Variants in FMNL2 observed in about 807,000 individuals in gnomAD.
FMNL2 encodes the protein formin-like protein 2.
Under a neutral mutation model 130.2 loss-of-function variants are expected in FMNL2, and 51 were observed. The observed-to-expected ratio is 0.39, with a 90% confidence interval of 0.31 to 0.49. The LOEUF (loss-of-function observed/expected upper bound fraction) is 0.49. Among genes scored for constraint, FMNL2 ranks in the 20% least tolerant of loss-of-function variants. The pLI is 0.85. For missense variants in FMNL2, 977 were observed against 1,316.2 expected, an observed-to-expected ratio of 0.74 and a Z score of 3.99; for synonymous variants, 465 against 467.1, an observed-to-expected ratio of 1.00 and a Z score of 0.06.
At chr2:152,365,688 G>A (rs188620590) in intron 1 of FMNL2, among the ~76,000 whole-genome samples, 339 of 152,130 alleles carry the variant, frequency 2.2e-3, no homozygotes, top group African/African-American at 7.9e-3. Context: ...CAGGAGAATC[G>A]CTTGAACCCG....
rs569761870 is a variant in FMNL2, at chr2:152,537,138, C to T, written c.202-5601C>T. On this transcript the variant is annotated intron_variant, in intron 2 of 25. Transcript: ENST00000288670. ...GTTAGAAAGAACTTAAGTCTGCCTG[C>T]CTGTGTCTAGTAGAAAAGGCTATGT... Among the ~76,000 whole-genome samples, 4 of 152,296 alleles carry T rather than the reference C, an allele frequency of 2.6e-5. No individual in the cohort carries two copies. In the South Asian group the frequency reaches 8.3e-4, roughly 32 times the overall value.
chr2:152,611,598 A>T lies in FMNL2; in HGVS notation c.1055A>T (p.Tyr352Phe), dbSNP rs34119671. 6.3e-7 allele frequency: 1 copy of T among 1,586,154 alleles called. No individual in the cohort carries two copies. Among genetic ancestry groups the T allele is most frequent in the Non-Finnish European group, 8.6e-7 (1 of 1,159,858 alleles). ...YEFTKLGLDEYLDKLKHTESD... is the reference protein window; with the variant it reads ...YEFTKLGLDEFLDKLKHTESD... ...TTTACCAAATTAGGCCTGGACGAAT[A>T]CTTGGACGTGAGTATAGCTGTGACC... The change falls in exon 11 of 26, where the codon TAC becomes TTC. Residue 352 changes from tyrosine (Y) to phenylalanine (F), a missense_variant. Tyr to Phe is a conservative substitution (Grantham distance 22, BLOSUM62 3). This residue lies in a region of FMNL2 where 689 missense variants were observed against 995.9 expected (regional missense o/e 0.69). Coordinates refer to ENST00000288670, the MANE Select transcript of FMNL2 (RefSeq NM_052905.4).
chr2:152,445,541 AGAGTTT>A (rs1184774413), intron 1 of FMNL2, among the ~76,000 whole-genome samples: 1 of 152,162 alleles, frequency 6.6e-6, no homozygotes, highest in African/African-American at 2.4e-5. Context: ...TAATTACTTT[AGAGTTT>A]AATAGTCACA....
intron 1 of FMNL2, among the ~76,000 whole-genome samples, chr2:152,482,094 TA>T (rs2105238520): frequency 6.6e-6 from 1 of 152,310 alleles, no homozygotes; most frequent in South Asian, 2.1e-4. Flanking sequence ...GCAGCAGTCT[TA>T]CCTTTCTCTG....
chr2:152,585,936 A>AT, intron 9 of FMNL2, among the ~76,000 whole-genome samples: 1 of 151,922 alleles, frequency 6.6e-6, no homozygotes, highest in Non-Finnish European at 1.5e-5. Flanking sequence ...AAAAAAAAAA[A>AT]AATGCTTCCT....
In FMNL2 at chr2:152,561,053, G is replaced by T; in HGVS notation, c.596+18G>T. The T allele has an allele frequency of 6.4e-7, 1 of 1,573,218 alleles. No homozygotes were observed. On this transcript the variant is annotated intron_variant, in intron 6 of 25. Transcript: ENST00000288670. The stretch of plus-strand genomic sequence containing the variant: ...GCACTGCGGTGAGTTCGTTTAATCA[G>T]GAGGCAACTTTGGCAGGATGCACTG...
chr2:152,404,443 G>A (rs1685874691), intron 1 of FMNL2, among the ~76,000 whole-genome samples: 1 of 152,024 alleles, frequency 6.6e-6, no homozygotes, highest in South Asian at 2.1e-4. Context: ...TCATCTTTGG[G>A]GATAATGTCA....
intron 5 of FMNL2, among the ~76,000 whole-genome samples, chr2:152,560,163 T>G (rs935605742): frequency 3.5e-5 from 5 of 143,524 alleles, no homozygotes; most frequent in African/African-American, 1.4e-4. Flanking sequence ...TACAATTTCT[T>G]TTTTTTTTTT....
chr2:152,583,362 A>T (rs952146631), intron 9 of FMNL2, among the ~76,000 whole-genome samples: 9 of 152,216 alleles, frequency 5.9e-5, no homozygotes, highest in African/African-American at 1.9e-4. Context: ...GGCGCTTGAC[A>T]TCCTCACAAG....
intron 6 of FMNL2, 114 bp downstream of exon 6, chr2:152,561,149 A>G (rs1037801571): frequency 9.4e-7 from 1 of 1,062,616 alleles, no homozygotes; most frequent in South Asian, 1.8e-5. Context: ...CAGCACTTTC[A>G]TTTGCAATGA....
Position 152,498,241 on chromosome 2 carries a change from T to TGTA in FMNL2, c.118-23700_118-23698dup, listed in dbSNP as rs34971178. 9.7e-3 allele frequency among the ~76,000 whole-genome samples: 1,482 copies of TGTA among 152,290 alleles called. 13 individuals are homozygous for TGTA. The highest frequency in any genetic ancestry group is 0.026 in the African/African-American group (1,090 of 41,554). ...CTATCTTAAAATTCACCTTTTACCA[T>TGTA]GTAGCATACTATAGGTAGAATTGCA... On this transcript the variant is annotated intron_variant, in intron 1 of 25. Coordinates refer to ENST00000288670, the MANE Select transcript of FMNL2 (RefSeq NM_052905.4).
intron 1 of FMNL2, among the ~76,000 whole-genome samples, chr2:152,369,643 T>G (rs1177389271): frequency 6.6e-6 from 1 of 152,210 alleles, no homozygotes; most frequent in East Asian, 1.9e-4. Flanking sequence ...TTAGCCTCTG[T>G]GGCTGGACAT....
At chr2:152,402,503 A>G (rs1405429523) in intron 1 of FMNL2, among the ~76,000 whole-genome samples, 1 of 152,132 alleles carries the variant, frequency 6.6e-6, no homozygotes, top group Non-Finnish European at 1.5e-5. Flanking sequence ...TGAGACCTCA[A>G]CTGAATTCTG....
chr2:152,601,716 C>G (rs1422846869), intron 9 of FMNL2, among the ~76,000 whole-genome samples: 1 of 143,958 alleles, frequency 6.9e-6, no homozygotes, highest in Non-Finnish European at 1.5e-5. Flanking sequence ...GTCACCCAGG[C>G]TAGAGTGCAA....
chr2:152,468,788 T>A (rs1689695805), intron 1 of FMNL2, among the ~76,000 whole-genome samples: 1 of 152,212 alleles, frequency 6.6e-6, no homozygotes, highest in African/African-American at 2.4e-5. Context: ...TACTCCCCTG[T>A]ACAACAATAC....
chr2:152,389,053 T>G (rs1028216044), intron 1 of FMNL2, among the ~76,000 whole-genome samples: 1 of 106,834 alleles, frequency 9.4e-6, no homozygotes, highest in Admixed American at 9.1e-5. Flanking sequence ...GAAATCTAAA[T>G]GCTGTTTTTC....
intron 6 of FMNL2, among the ~76,000 whole-genome samples, chr2:152,574,453 A>G (rs1696360510): frequency 6.7e-6 from 1 of 148,524 alleles, no homozygotes; most frequent in South Asian, 2.1e-4. Context: ...AAAAAAAAAA[A>G]AGAAAAGAAA....
chr2:152,557,002 T>C (rs1695250041), intron 4 of FMNL2, among the ~76,000 whole-genome samples: 2 of 152,038 alleles, frequency 1.3e-5, no homozygotes, highest in Non-Finnish European at 2.9e-5. Flanking sequence ...CTAAGGGGCT[T>C]GAATTTAAAG....
chr2:152,568,218 G>GTTTTTGTTTTTTTTTTTTTTTTTT (rs1695962603), intron 6 of FMNL2, among the ~76,000 whole-genome samples: 1 of 34,860 alleles, frequency 2.9e-5, no homozygotes, highest in African/African-American at 8.4e-5. Flanking sequence ...ATTTTGGTGG[G>GTTTTTGTTTTTTTTTTTTTTTTTT]TTTTTTTTTT....
Sources: gnomAD v4.1 joint callset for allele counts (sites outside exome capture counted in the v4.1 genomes callset) on GRCh38, gnomAD v4.1.1 for gene constraint, gnomAD v4.1.1 regional missense constraint, MANE v1.5 for transcripts, NCBI Gene and HGNC (gene_info 2026-07-23, HGNC 2026-07-21) for gene names.